The following ZNF655 variants were observed in gnomAD, a reference collection of about 807,000 sequenced individuals.
ZNF655 encodes Vav-interacting Kruppel-like protein 1.
A neutral mutation model predicts 6.6 loss-of-function variants in ZNF655; 3 were observed. That is an observed-to-expected ratio of 0.46 (90% CI 0.21 to 1.18). The LOEUF is 1.18. Among genes scored for constraint, ZNF655 ranks in the 50% most tolerant of loss-of-function variants. The pLI is 0.24. For missense variants in ZNF655, 526 were observed against 572.3 expected (o/e 0.92, Z 0.83); for synonymous variants, 178 against 195.0 (o/e 0.91, Z 0.73).
chr7:99,573,452 C>T lies in ZNF655; in HGVS notation c.1344C>T (p.Ser448=). 6 of 1,613,968 alleles carry T rather than the reference C, an allele frequency of 3.7e-6. No homozygotes were observed. The highest frequency in any genetic ancestry group is 5.1e-6 in the Non-Finnish European group (6 of 1,179,998). ...AGTATGAGGGCAGTTTCAGTCATAG[C>T]TCAGATCTTATCCTGCAACAAGAAG... ...CNEYEGSFSH[S]SDLILQQEVL... Residue 448 remains serine (S), a synonymous_variant, in exon 3 of 3, where the codon AGC becomes AGT. Coordinates refer to ENST00000252713, the MANE Select transcript of ZNF655 (RefSeq NM_138494.3).
rs747034009 is a variant in ZNF655 at position 99,560,682 on chromosome 7, G to C, written c.123G>C (p.Gln41His). ...TTGTGCAGGACACCGACATGGAACA[G>C]GGACTCACTGGGGGTAAGGCAGAGA... ...PQFVQDTDMEQGLTGDGETRE... is the reference protein window; with the variant it reads ...PQFVQDTDMEHGLTGDGETRE... The change falls in exon 2 of 3, where the codon CAG (glutamine) becomes CAC (histidine). Residue 41 changes from glutamine to histidine, a missense_variant. Gln to His is a conservative substitution (Grantham distance 24, BLOSUM62 0). Coordinates refer to ENST00000252713, the MANE Select transcript of ZNF655 (RefSeq NM_138494.3). 1 of 1,613,956 alleles carries C rather than the reference G, an allele frequency of 6.2e-7. No homozygotes were observed. The highest frequency in any genetic ancestry group is 8.5e-7 in the Non-Finnish European group (1 of 1,179,916).
chr7:99,571,822 T>A (rs1172681135), intron 2 of ZNF655: 1 of 1,490,728 alleles, frequency 6.7e-7, no homozygotes, highest in Non-Finnish European at 9.2e-7. Flanking sequence ...ATAGAATTAG[T>A]AGGGAAGTAA....
intron 2 of ZNF655, among the ~76,000 whole-genome samples, chr7:99,565,904 T>C (rs956719752): frequency 4.6e-5 from 7 of 152,182 alleles, no homozygotes; most frequent in Non-Finnish European, 1.5e-5. Flanking sequence ...TGTTTTCCAT[T>C]GTCACAGCTA....
chr7:99,562,116 C>A, intron 2 of ZNF655: 1 of 808,510 alleles, frequency 1.2e-6, no homozygotes, highest in Non-Finnish European at 1.9e-6. Context: ...CTTCGGAGAC[C>A]TGGACTTCAC....
chr7:99,561,448 G>A (rs1803158874), intron 2 of ZNF655, among the ~76,000 whole-genome samples: 1 of 152,134 alleles, frequency 6.6e-6, no homozygotes, highest in Admixed American at 6.5e-5. Context: ...GTTCTTGGGG[G>A]CCTTACACAC....
At chr7:99,567,309 G>A (rs531046462) in intron 2 of ZNF655, among the ~76,000 whole-genome samples, 6 of 152,240 alleles carry the variant, frequency 3.9e-5, no homozygotes, top group South Asian at 2.1e-4. Flanking sequence ...CAAGGCAGGC[G>A]GATCACCTGA....
chr7:99,567,730 C>T (rs1428131321), intron 2 of ZNF655, among the ~76,000 whole-genome samples: 2 of 152,030 alleles, frequency 1.3e-5, no homozygotes, highest in Non-Finnish European at 2.9e-5. Context: ...ATAATGTCTA[C>T]CTTCTGGGTA....
intron 2 of ZNF655, among the ~76,000 whole-genome samples, chr7:99,567,527 G>A (rs1222715050): frequency 6.2e-5 from 9 of 145,014 alleles, no homozygotes; most frequent in South Asian, 2.2e-4. Flanking sequence ...GTGCAACTCC[G>A]TCTCAAAAAA....
rs1222318411 is a variant in ZNF655, at chr7:99,574,548, A to T, written c.*964A>T. 4 of 152,100 alleles carry T rather than the reference A, an allele frequency of 2.6e-5. No individual in the cohort carries two copies. Among genetic ancestry groups the T allele is most frequent in the Non-Finnish European group, 5.9e-5 (4 of 68,006 alleles). 9.4% of individuals were successfully genotyped at this position (152,100 alleles called of 1,614,324 possible). A position where few individuals can be genotyped will look rare whatever the true frequency, so the allele number is the denominator to read the frequency against. On this transcript the variant is annotated 3_prime_UTR_variant, in exon 3 of 3. Transcript: ENST00000252713. Reference sequence around the variant, plus strand: ...TGTGTCACTGTGCTGGGCCTATTTTATTTATAGAACTCATTTAAGCTGTTT... The same window carrying T: ...TGTGTCACTGTGCTGGGCCTATTTTTTTTATAGAACTCATTTAAGCTGTTT...
intron 2 of ZNF655, chr7:99,563,826 A>G (rs1803407179): frequency 6.3e-7 from 1 of 1,583,106 alleles, no homozygotes; most frequent in Non-Finnish European, 8.5e-7. Flanking sequence ...GACGGTTTTT[A>G]GTGTGTTTTC....
intron 2 of ZNF655, chr7:99,571,201 G>A: frequency 2.4e-6 from 3 of 1,275,870 alleles, no homozygotes; most frequent in African/African-American, 1.5e-5. Context: ...GAAACAAATT[G>A]TTTCTTGAGA....
At chr7:99,565,173 CTTTT>C (rs199565238) in intron 2 of ZNF655, among the ~76,000 whole-genome samples, 19 of 145,326 alleles carry the variant, frequency 1.3e-4, no homozygotes, top group African/African-American at 4.8e-4. Flanking sequence ...GGTTGTAAGA[CTTTT>C]TTTTTTTTTG....
chr7:99,564,268 A>C (rs1040389239), intron 2 of ZNF655: 1 of 1,335,254 alleles, frequency 7.5e-7, no homozygotes, highest in South Asian at 2.1e-5. Context: ...AGAAATTCCA[A>C]ATTCAGCTCT....
intron 1 of ZNF655, 118 bp from the exon 2 acceptor site, chr7:99,560,415 A>G: frequency 9.4e-7 from 1 of 1,059,474 alleles, no homozygotes; most frequent in East Asian, 2.9e-5. Flanking sequence ...GTTAATCATT[A>G]TCAACTAATT....
At chr7:99,560,730 G>A in intron 2 of ZNF655, 35 bp downstream of exon 2, 1 of 1,608,280 alleles carries the variant, frequency 6.2e-7, no homozygotes, top group South Asian at 1.1e-5. Flanking sequence ...CTGGGAGAGT[G>A]GGAGTGCGGA....
intron 2 of ZNF655, chr7:99,563,925 CAT>C (rs1803423484): frequency 2.5e-6 from 4 of 1,613,830 alleles, no homozygotes; most frequent in Non-Finnish European, 3.4e-6. Context: ...GGCCCTGAGT[CAT>C]ACCCAGGCAA....
At chr7:99,571,078 A>T (rs1351870924) in intron 2 of ZNF655, 2 of 389,200 alleles carry the variant, frequency 5.1e-6, no homozygotes, top group African/African-American at 4.6e-5. Flanking sequence ...TTGGCCTCTT[A>T]TCCCCTGCAT....
Position 99,576,265 on chromosome 7 carries a change from A to G in ZNF655, c.*2681A>G, listed in dbSNP as rs574343000. The G allele has an allele frequency of 5.9e-5, 9 of 152,812 alleles. No homozygotes were observed. The South Asian group carries it at 1.9e-3, about 32-fold the overall frequency. The allele number at this position is 152,812 out of a possible 1,614,324, so 9.5% of individuals were successfully genotyped here. On this transcript the variant is annotated 3_prime_UTR_variant, in exon 3 of 3. Coordinates refer to ENST00000252713, the MANE Select transcript of ZNF655 (RefSeq NM_138494.3). ...ATCTAAATGTAAAAGCAAATGAAAA[A>G]TGCATGTGTTTTTTCCTGTCAAACA... is the stretch of plus-strand genomic sequence containing the variant.
chr7:99,567,974 G>T (rs1026700988), intron 2 of ZNF655, among the ~76,000 whole-genome samples: 1 of 149,732 alleles, frequency 6.7e-6, no homozygotes, highest in Non-Finnish European at 1.5e-5. Flanking sequence ...CTGGAGAATC[G>T]CTTGAACCCG....
Sources: gnomAD v4.1 joint callset for allele counts (sites outside exome capture counted in the v4.1 genomes callset) on GRCh38, gnomAD v4.1.1 for gene constraint, MANE v1.5 for transcripts, NCBI Gene and HGNC (gene_info 2026-07-23, HGNC 2026-07-21) for gene names.